The following GALNT13 variants were observed in gnomAD, a reference collection of about 807,000 sequenced individuals.
The protein encoded by GALNT13 is UDP-GalNAc:polypeptide N-acetylgalactosaminyltransferase 13.
A neutral mutation model predicts 64.2 loss-of-function variants in GALNT13; 28 were observed. The observed-to-expected ratio is 0.44, with a 90% CI of 0.32 to 0.60. The LOEUF (loss-of-function observed/expected upper bound fraction) is 0.60, where lower values mean the gene tolerates loss of function less well. Among genes scored for constraint, GALNT13 ranks in the 20% least tolerant of loss-of-function variants. The pLI, the probability that GALNT13 is intolerant of heterozygous loss-of-function variation, is 0.05. For synonymous variants in GALNT13, 214 were observed against 224.6 expected, an observed-to-expected ratio of 0.95 and a Z score of 0.42; for missense variants, 577 against 669.8, an observed-to-expected ratio of 0.86 and a Z score of 1.53.
chr2:154,131,077 T>C (rs926390828), intron 3 of GALNT13, among the ~76,000 whole-genome samples: 3 of 152,202 alleles, frequency 2.0e-5, no homozygotes, highest in African/African-American at 7.2e-5. Flanking sequence ...CATTGCAAGA[T>C]AAGGGCCTTT....
the GALNT13 span, among the ~76,000 whole-genome samples, chr2:153,845,664 A>T: frequency 6.6e-6 from 1 of 152,236 alleles, no homozygotes; most frequent in South Asian, 2.1e-4. Flanking sequence ...AGGGGTTCCC[A>T]GAAGGAGAGG....
chr2:153,343,680 GC>G, the GALNT13 span, among the ~76,000 whole-genome samples: 9 of 151,944 alleles, frequency 5.9e-5, no homozygotes, highest in African/African-American at 2.2e-4. Flanking sequence ...CCTCTGGGGA[GC>G]CTTCCTATCC....
chr2:154,398,521 A>T (rs1699156338), intron 10 of GALNT13, among the ~76,000 whole-genome samples: 1 of 152,196 alleles, frequency 6.6e-6, no homozygotes, highest in South Asian at 2.1e-4. Flanking sequence ...TTCTAAATGG[A>T]TCAGGTGACC....
intron 4 of GALNT13, among the ~76,000 whole-genome samples, chr2:154,141,384 T>G (rs1683250495): frequency 6.6e-6 from 1 of 152,206 alleles, no homozygotes; most frequent in African/African-American, 2.4e-5. Flanking sequence ...ATACTTACCT[T>G]AAAACACAAG....
At chr2:154,427,107 G>A (rs554060931) in intron 11 of GALNT13, among the ~76,000 whole-genome samples, 1 of 152,192 alleles carries the variant, frequency 6.6e-6, no homozygotes, top group Non-Finnish European at 1.5e-5. Context: ...TGAGGCAAAT[G>A]CTTTGTTTAG....
rs543847360 is a variant in GALNT13, at chr2:154,330,768, C to CTAA, written c.1156+29182_1156+29184dup. On this transcript the variant is annotated intron_variant, in intron 9 of 12. Coordinates refer to ENST00000392825, the MANE Select transcript of GALNT13 (RefSeq NM_052917.4). ...TTTACAGTGGGTTCCATTATGCTGTCTAATATAGTGAACCTGAAACTGCAC... is the reference window on the plus strand; with the variant it reads ...TTTACAGTGGGTTCCATTATGCTGTCTAATAATATAGTGAACCTGAAACTGCAC... Among the ~76,000 whole-genome samples the CTAA allele has an allele frequency of 1.7e-3, 259 of 152,202 alleles. 1 individual carries two copies. The highest frequency in any genetic ancestry group is 6.2e-3 in the African/African-American group (256 of 41,566).
the GALNT13 span, among the ~76,000 whole-genome samples, chr2:153,259,032 G>A: frequency 1.3e-5 from 2 of 152,146 alleles, no homozygotes; most frequent in Non-Finnish European, 2.9e-5. Flanking sequence ...TCTGTCCAAT[G>A]CTGACAATGG....
chr2:153,647,481 T>A, the GALNT13 span, among the ~76,000 whole-genome samples: 6 of 152,330 alleles, frequency 3.9e-5, no homozygotes, highest in East Asian at 9.6e-4. Flanking sequence ...TAGATCCCAT[T>A]TGTCAATTTT....
intron 10 of GALNT13, among the ~76,000 whole-genome samples, chr2:154,408,614 T>TC (rs1559139036): frequency 6.6e-6 from 1 of 152,058 alleles, no homozygotes; most frequent in Non-Finnish European, 1.5e-5. Flanking sequence ...TCAAGAATAG[T>TC]CAATGGTTAT....
At chr2:153,285,744 GTAA>G in the GALNT13 span, among the ~76,000 whole-genome samples, 1 of 151,956 alleles carries the variant, frequency 6.6e-6, no homozygotes, top group South Asian at 2.1e-4. Flanking sequence ...AAGAACATCA[GTAA>G]TAATATTATT....
chr2:154,045,588 C>G (rs761512033), intron 3 of GALNT13, among the ~76,000 whole-genome samples: 7 of 152,150 alleles, frequency 4.6e-5, no homozygotes, highest in African/African-American at 7.2e-5. Flanking sequence ...GCTCTGGACG[C>G]AAGTGTTTTT....
chr2:153,204,089 C>T, the GALNT13 span, among the ~76,000 whole-genome samples: 5 of 152,294 alleles, frequency 3.3e-5, no homozygotes, highest in East Asian at 7.7e-4. Flanking sequence ...ATTCCTGTTT[C>T]GATACTCCCT....
At chr2:154,143,907 G>A (rs1683415078) in intron 4 of GALNT13, among the ~76,000 whole-genome samples, 1 of 129,890 alleles carries the variant, frequency 7.7e-6, no homozygotes, top group African/African-American at 2.8e-5. Flanking sequence ...GCTCTAGTTT[G>A]TTGTCTTACT....
At chr2:153,935,313 C>T (rs866561619) in intron 2 of GALNT13, among the ~76,000 whole-genome samples, 1 of 152,148 alleles carries the variant, frequency 6.6e-6, no homozygotes, top group African/African-American at 2.4e-5. Flanking sequence ...ATCTGAATTT[C>T]CATGGAGAGA....
chr2:154,228,649 A>T (rs895666816), intron 4 of GALNT13, among the ~76,000 whole-genome samples: 3 of 152,178 alleles, frequency 2.0e-5, no homozygotes, highest in Non-Finnish European at 4.4e-5. Flanking sequence ...CTCAGTCTCA[A>T]ATCTATTTCC....
chr2:153,481,458 T>C, the GALNT13 span, among the ~76,000 whole-genome samples: 1 of 152,180 alleles, frequency 6.6e-6, no homozygotes, highest in African/African-American at 2.4e-5. Flanking sequence ...AATGTTGACA[T>C]TGAAAAACTT....
chr2:153,341,052 A>C, the GALNT13 span, among the ~76,000 whole-genome samples: 3 of 152,222 alleles, frequency 2.0e-5, no homozygotes, highest in Admixed American at 2.0e-4. Flanking sequence ...CATGCATGCT[A>C]AAATTTAAGA....
chr2:154,355,488 T>G (rs977867349), intron 9 of GALNT13, among the ~76,000 whole-genome samples: 1 of 152,098 alleles, frequency 6.6e-6, no homozygotes, highest in African/African-American at 2.4e-5. Flanking sequence ...TGATATTGTA[T>G]TTGCCACACT....
the GALNT13 span, among the ~76,000 whole-genome samples, chr2:153,721,047 AG>A: frequency 1.3e-4 from 20 of 151,702 alleles, no homozygotes; most frequent in Non-Finnish European, 4.4e-5. Context: ...AAAAATGTTA[AG>A]GGCAGCCAGA....
Sources: gnomAD v4.1 joint callset for allele counts (sites outside exome capture counted in the v4.1 genomes callset) on GRCh38, gnomAD v4.1.1 for gene constraint, MANE v1.5 for transcripts, NCBI Gene and HGNC (gene_info 2026-07-23, HGNC 2026-07-21) for gene names.